The following LRCH1 variants were observed in gnomAD, a reference collection of about 807,000 sequenced individuals.
The protein encoded by LRCH1 is leucine rich repeats and calponin homology domain containing 1.
A neutral mutation model predicts 94.9 loss-of-function variants in LRCH1; 23 were observed. That is an observed-to-expected ratio of 0.24 (90% CI 0.17 to 0.34). LRCH1 has a LOEUF of 0.34. Ranked by LOEUF, LRCH1 falls within the 10% of genes least tolerant of loss-of-function variation. The pLI is 1.00. For synonymous variants in LRCH1, 364 were observed against 354.9 expected, an observed-to-expected ratio of 1.03 and a Z score of -0.29; for missense variants, 790 against 945.9, an observed-to-expected ratio of 0.84 and a Z score of 2.16.
intron 1 of LRCH1, among the ~76,000 whole-genome samples, chr13:46,575,356 A>G (rs960790074): frequency 2.0e-5 from 3 of 152,172 alleles, no homozygotes; most frequent in African/African-American, 7.2e-5. Context: ...TGCGTGTGTG[A>G]TTATCTAAAT....
At chr13:46,554,223 G>A (rs1013227010) in intron 1 of LRCH1, among the ~76,000 whole-genome samples, 3 of 152,240 alleles carry the variant, frequency 2.0e-5, no homozygotes, top group African/African-American at 7.2e-5. Flanking sequence ...GCCGAGCCAG[G>A]GGCATCGGCG....
chr13:46,606,115 T>C (rs1186972727), intron 1 of LRCH1, among the ~76,000 whole-genome samples: 2 of 151,662 alleles, frequency 1.3e-5, no homozygotes, highest in Non-Finnish European at 2.9e-5. Context: ...CATTGAAATA[T>C]CCTTTAAATG....
intron 9 of LRCH1, among the ~76,000 whole-genome samples, chr13:46,696,249 A>C (rs910138116): frequency 5.9e-5 from 9 of 151,622 alleles, no homozygotes; most frequent in Non-Finnish European, 1.0e-4. Flanking sequence ...ATATTCTGCC[A>C]CCAAACATTT....
At chr13:46,749,106 C>A (rs1401108120), downstream of LRCH1, among the ~76,000 whole-genome samples, 1 of 152,216 alleles carries the variant, frequency 6.6e-6, no homozygotes, top group Non-Finnish European at 1.5e-5. Flanking sequence ...CCCTTCCTTG[C>A]AGAGCACACC....
At chr13:46,676,692 C>T (rs2051678474) in intron 3 of LRCH1, among the ~76,000 whole-genome samples, 1 of 152,190 alleles carries the variant, frequency 6.6e-6, no homozygotes, top group Non-Finnish European at 1.5e-5. Flanking sequence ...TGTACAAATA[C>T]TACCTGCAGT....
intron 1 of LRCH1, among the ~76,000 whole-genome samples, chr13:46,579,368 A>G (rs972860391): frequency 3.9e-5 from 6 of 152,216 alleles, no homozygotes; most frequent in Non-Finnish European, 7.4e-5. Flanking sequence ...TCAGAACTCC[A>G]TGGAATAAGC....
chr13:46,588,505 T>C (rs777807637), intron 1 of LRCH1, among the ~76,000 whole-genome samples: 1 of 152,082 alleles, frequency 6.6e-6, no homozygotes, highest in African/African-American at 2.4e-5. Flanking sequence ...TGTGGAAAAA[T>C]TGAAGAATTT....
intron 19 of LRCH1, among the ~76,000 whole-genome samples, chr13:46,737,526 C>T (rs1418007374): frequency 6.6e-6 from 1 of 152,220 alleles, no homozygotes; most frequent in Non-Finnish European, 1.5e-5. Flanking sequence ...TAGGTACCAT[C>T]CCACATCCCT....
At chr13:46,707,438 A>ATCAAGATATAAGTCCATTTCTCCAC (rs1284355910) in intron 13 of LRCH1, among the ~76,000 whole-genome samples, 2 of 152,198 alleles carry the variant, frequency 1.3e-5, no homozygotes, top group Non-Finnish European at 2.9e-5. Context: ...TTATCACCCA[A>ATCAAGATATAAGTCCATTTCTCCAC]TCAAGATATA....
At chr13:46,689,976 G>C (rs1269307720) in intron 7 of LRCH1, among the ~76,000 whole-genome samples, 2 of 151,994 alleles carry the variant, frequency 1.3e-5, no homozygotes, top group African/African-American at 2.4e-5. Context: ...ACTTTCTGTA[G>C]TTACTAAGTT....
intron 19 of LRCH1, 122 bp downstream of exon 19, chr13:46,734,120 AAAT>A (rs1452480286): frequency 2.1e-6 from 1 of 465,778 alleles, no homozygotes; most frequent in Admixed American, 4.1e-5. Context: ...CTTTCTTGAG[AAAT>A]AATATTGAAT....
chr13:46,653,785 G>A (rs2051337206), intron 2 of LRCH1, among the ~76,000 whole-genome samples: 1 of 152,042 alleles, frequency 6.6e-6, no homozygotes, highest in Admixed American at 6.5e-5. Flanking sequence ...TTGTGCTACT[G>A]CATTCCAGCC....
At chr13:46,699,542 G>A in intron 10 of LRCH1, 139 bp downstream of exon 10, 1 of 738,450 alleles carries the variant, frequency 1.4e-6, no homozygotes, top group South Asian at 1.7e-5. Flanking sequence ...TTGATAAGAA[G>A]TTGCCAGTTT....
chr13:46,558,247 G>A (rs567261745), intron 1 of LRCH1, among the ~76,000 whole-genome samples: 11 of 152,300 alleles, frequency 7.2e-5, no homozygotes, highest in African/African-American at 2.4e-4. Context: ...GCAGGTCAAG[G>A]TGAGGTGCCA....
intron 1 of LRCH1, among the ~76,000 whole-genome samples, chr13:46,600,935 T>G (rs548982833): frequency 6.6e-6 from 1 of 152,252 alleles, no homozygotes; most frequent in Non-Finnish European, 1.5e-5. Context: ...TAGCTCTGGT[T>G]GTGTATTCAG....
chr13:46,599,314 A>C (rs1446093270), intron 1 of LRCH1, among the ~76,000 whole-genome samples: 1 of 152,214 alleles, frequency 6.6e-6, no homozygotes, highest in South Asian at 2.1e-4. Context: ...TGGGTTTGCA[A>C]ATATCTCTTT....
At chr13:46,726,858 G>C (rs1453893974) in intron 17 of LRCH1, among the ~76,000 whole-genome samples, 22 of 73,056 alleles carry the variant, frequency 3.0e-4, no homozygotes, top group Non-Finnish European at 4.9e-4. Context: ...TGCTAGAGCA[G>C]TGTCAAAAAA....
intron 13 of LRCH1, among the ~76,000 whole-genome samples, chr13:46,708,252 G>T (rs1158340116): frequency 4.0e-5 from 6 of 149,004 alleles, no homozygotes; most frequent in African/African-American, 1.5e-4. Flanking sequence ...TCATAGTTTT[G>T]TCTAGGTCTA....
intron 1 of LRCH1, among the ~76,000 whole-genome samples, chr13:46,573,868 T>TATATATATATATATATA (rs1374087114): frequency 5.2e-4 from 21 of 40,458 alleles, no homozygotes; most frequent in Non-Finnish European, 7.2e-4. Context: ...ATATATATAT[T>TATATATATATATATATA]TTTTTTTTTT....
Sources: gnomAD v4.1 joint callset for allele counts (sites outside exome capture counted in the v4.1 genomes callset) on GRCh38, gnomAD v4.1.1 for gene constraint, MANE v1.5 for transcripts, NCBI Gene and HGNC (gene_info 2026-07-23, HGNC 2026-07-21) for gene names.